RCOR3: variants seen among roughly 807,000 people sequenced by gnomAD.
The protein encoded by RCOR3 is REST corepressor 3.
RCOR3 carries 13 observed loss-of-function variants against 64.1 expected under a neutral mutation model. The observed-to-expected ratio is 0.20, with a 90% CI of 0.13 to 0.32. RCOR3 has a LOEUF of 0.32. RCOR3 is among the 10% of genes least tolerant of loss of function. The pLI, the probability that RCOR3 is intolerant of heterozygous loss-of-function variation, is 1.00. For synonymous variants in RCOR3, 215 were observed against 239.0 expected (o/e 0.90, Z 0.93); for missense variants, 489 against 701.2 (o/e 0.70, Z 3.42).
At chr1:211,293,513 G>C (rs576141213) in intron 8 of RCOR3, among the ~76,000 whole-genome samples, 1 of 152,148 alleles carries the variant, frequency 6.6e-6, no homozygotes, top group Admixed American at 6.6e-5. Context: ...TTAAAACTCA[G>C]TTTAGCTGTC....
rs953356595 is a variant in RCOR3 at position 211,315,167 on chromosome 1, T to C, written c.*1399T>C. On this transcript the variant is annotated 3_prime_UTR_variant, in exon 12 of 12. Transcript: ENST00000419091. ...TGTGCAAAGGGACAGACAGATCACT[T>C]AGATTGCTATACTAGTGGACATAGG... 2.6e-5 allele frequency: 4 copies of C among 152,228 alleles called. No individual in the cohort carries two copies. Among genetic ancestry groups the C allele is most frequent in the African/African-American group, 9.6e-5 (4 of 41,456 alleles). 9.4% of individuals were successfully genotyped at this position (152,228 alleles called of 1,614,324 possible). A position where few individuals can be genotyped will look rare whatever the true frequency, so the allele number is the denominator to read the frequency against.
chr1:211,267,927 A>G (rs1454962510), intron 2 of RCOR3: 2 of 343,754 alleles, frequency 5.8e-6, no homozygotes, highest in Non-Finnish European at 1.1e-5. Flanking sequence ...AAAATTTAAA[A>G]AAAGTTTAAT....
In RCOR3 at chr1:211,313,521, C is replaced by T. The variant is rs764648901; in HGVS notation, c.1415C>T (p.Pro472Leu). 98 of 1,614,078 alleles carry T rather than the reference C, an allele frequency of 6.1e-5. No homozygotes were observed. The highest frequency in any genetic ancestry group is 8.1e-5 in the Non-Finnish European group (95 of 1,180,034). ...PTAPIATLNQ[P>L]PPLLRPTLPA... ...GCCCCTATTGCCACTCTGAACCAGCCTCCACCACTTCTTCGTCCAACACTG... is the reference window on the plus strand; with the variant it reads ...GCCCCTATTGCCACTCTGAACCAGCTTCCACCACTTCTTCGTCCAACACTG... Residue 472 changes from proline (P) to leucine (L), a missense_variant, in exon 12 of 12, where the codon CCT becomes CTT. Transcript: ENST00000419091. The surrounding 1 kb of genome is among the most constrained non-coding windows in gnomAD (Gnocchi z 4.7).
intron 2 of RCOR3, among the ~76,000 whole-genome samples, chr1:211,269,234 C>T (rs1459413346): frequency 9.9e-5 from 15 of 152,200 alleles, no homozygotes; most frequent in South Asian, 8.3e-4. Context: ...GAGGCTGAGG[C>T]GGGTGGATCA....
chr1:211,311,316 C>G (rs1701468092), intron 10 of RCOR3, among the ~76,000 whole-genome samples: 1 of 152,080 alleles, frequency 6.6e-6, no homozygotes, highest in Non-Finnish European at 1.5e-5. Flanking sequence ...TTTGAGAACA[C>G]AGCAAATGAG....
In RCOR3 at chr1:211,271,292, G is replaced by T; in HGVS notation, c.284G>T (p.Ser95Ile). 2 of 1,613,322 alleles carry T rather than the reference G, an allele frequency of 1.2e-6. No individual in the cohort carries two copies. The highest frequency in any genetic ancestry group is 1.7e-6 in the Non-Finnish European group (2 of 1,179,498). ...GGMLVWSPYH[S>I]IPDAKLDEYI... The stretch of plus-strand genomic sequence containing the variant: ...ATGCTTGTATGGTCTCCATATCACA[G>T]TATCCCAGATGCCAAATGTAAGTTT... The change falls in exon 3 of 12, where the codon AGT becomes ATT. Residue 95 changes from serine to isoleucine, a missense_variant. This residue lies in a region of RCOR3 where 402 missense variants were observed against 617.0 expected (regional missense o/e 0.65). Transcript: ENST00000419091.
intron 7 of RCOR3, among the ~76,000 whole-genome samples, chr1:211,283,153 C>T (rs892201143): frequency 1.3e-5 from 2 of 152,196 alleles, no homozygotes; most frequent in Non-Finnish European, 2.9e-5. Context: ...CTGAGAGTTC[C>T]TTTGGTACAA....
chr1:211,282,107 C>T, intron 7 of RCOR3, among the ~76,000 whole-genome samples: 1 of 151,978 alleles, frequency 6.6e-6, no homozygotes, highest in East Asian at 1.9e-4. Context: ...TATAGTTTTG[C>T]CCAACTATGC....
At chr1:211,299,009 A>G (rs1004834472) in intron 9 of RCOR3, among the ~76,000 whole-genome samples, 1 of 151,968 alleles carries the variant, frequency 6.6e-6, no homozygotes, top group Non-Finnish European at 1.5e-5. Flanking sequence ...TCCGTCTCAA[A>G]AAAAAAAAGA....
intron 7 of RCOR3, among the ~76,000 whole-genome samples, chr1:211,283,780 A>G (rs763354660): frequency 1.0e-4 from 15 of 149,172 alleles, no homozygotes; most frequent in South Asian, 4.2e-4. Context: ...AGTAGCTGGG[A>G]TTGCAGACGT....
intron 1 of RCOR3, 184 bp from the exon 2 acceptor site, chr1:211,259,924 G>T: frequency 1.1e-5 from 5 of 459,846 alleles, no homozygotes; most frequent in Admixed American, 6.2e-5. Context: ...CTCCGCCTTT[G>T]CCCCCCCCCG....
intron 2 of RCOR3, among the ~76,000 whole-genome samples, chr1:211,265,922 C>A (rs892265793): frequency 1.3e-5 from 2 of 151,966 alleles, no homozygotes; most frequent in African/African-American, 4.8e-5. Flanking sequence ...GCCATGTACT[C>A]TTGTAAGATT....
chr1:211,278,564 A>T (rs1697337445), intron 6 of RCOR3, among the ~76,000 whole-genome samples: 1 of 152,194 alleles, frequency 6.6e-6, no homozygotes, highest in African/African-American at 2.4e-5. Flanking sequence ...ATTGAGGCTA[A>T]ATCTTTTGAT....
chr1:211,299,075 T>C (rs1700124815), intron 9 of RCOR3, among the ~76,000 whole-genome samples: 1 of 152,100 alleles, frequency 6.6e-6, no homozygotes, highest in Non-Finnish European at 1.5e-5. Context: ...GGAAAGACCC[T>C]TTAGTTTCTT....
At chr1:211,284,619 G>A (rs907923955) in intron 7 of RCOR3, among the ~76,000 whole-genome samples, 2 of 151,988 alleles carry the variant, frequency 1.3e-5, no homozygotes, top group Non-Finnish European at 2.9e-5. Flanking sequence ...AAATTCCTGG[G>A]CTCAAGCCAT....
intron 7 of RCOR3, among the ~76,000 whole-genome samples, chr1:211,282,503 GTT>G (rs745846610): frequency 4.3e-5 from 6 of 138,052 alleles, no homozygotes; most frequent in African/African-American, 5.3e-5. Flanking sequence ...GGATATTCTT[GTT>G]TTTTTTTTTT....
At chr1:211,259,750 G>A in intron 1 of RCOR3, 24 bp downstream of exon 1, 6 of 1,409,996 alleles carry the variant, frequency 4.3e-6, no homozygotes, top group Non-Finnish European at 4.6e-6. Flanking sequence ...ACTCCTCCCC[G>A]CCAGCCCGCC....
In RCOR3 at chr1:211,312,917, GCTT is replaced by G. The variant is rs1344732575; in HGVS notation, c.1276_1278del (p.Ser426del). On this transcript the variant is annotated inframe_deletion, in exon 11 of 12. Coordinates refer to ENST00000419091, the MANE Select transcript of RCOR3 (RefSeq NM_001136223.3). The surrounding 1 kb of genome is among the most constrained non-coding windows in gnomAD (Gnocchi z 5.0). ...TACTTTAGGGGAGGAGACAAAAAGT[GCTT>G]CTAATGTGCCATCAGGGAAGAGCAC... The G allele has an allele frequency of 1.2e-6, 2 of 1,614,080 alleles. No homozygotes were observed. Among genetic ancestry groups the G allele is most frequent in the Admixed American group, 3.3e-5 (2 of 60,010 alleles).
intron 10 of RCOR3, among the ~76,000 whole-genome samples, chr1:211,306,196 T>G (rs1700835172): frequency 6.6e-6 from 1 of 152,136 alleles, no homozygotes; most frequent in Non-Finnish European, 1.5e-5. Context: ...TGCCCATGCA[T>G]TTATATAGTG....
Sources: allele counts gnomAD v4.1 joint callset (sites outside exome capture counted in the v4.1 genomes callset), GRCh38; gene constraint gnomAD v4.1.1; regional missense constraint gnomAD v4.1.1; non-coding constraint Gnocchi (gnomAD v3.1); transcripts MANE v1.5; gene names NCBI Gene and HGNC (gene_info 2026-07-23, HGNC 2026-07-21).